PDS5A: variants seen among roughly 807,000 people sequenced by gnomAD.
The protein encoded by PDS5A is PDS5 cohesin associated factor A.
Under a neutral mutation model 167.1 loss-of-function variants are expected in PDS5A, and 42 were observed. The ratio of observed to expected loss-of-function variants is 0.25; its 90% CI spans 0.20 to 0.33. PDS5A has a LOEUF of 0.33. PDS5A is among the 10% of genes least tolerant of loss of function. The probability of loss-of-function intolerance (pLI) is 1.00; values close to 1 mark genes in which losing one functional copy is unlikely to be tolerated. For missense variants in PDS5A, 1,033 were observed against 1,605.9 expected, an observed-to-expected ratio of 0.64 and a Z score of 6.10; for synonymous variants, 553 against 554.6, an observed-to-expected ratio of 1.00 and a Z score of 0.04.
At chr4:39,901,180 TA>T (rs1434029623) in intron 13 of PDS5A, among the ~76,000 whole-genome samples, 1 of 152,042 alleles carries the variant, frequency 6.6e-6, no homozygotes, top group East Asian at 1.9e-4. Flanking sequence ...ATCAAAACCT[TA>T]AGCAAGGAAA....
At chr4:39,961,420 G>A (rs935823490) in intron 2 of PDS5A, among the ~76,000 whole-genome samples, 3 of 151,926 alleles carry the variant, frequency 2.0e-5, no homozygotes, top group African/African-American at 7.2e-5. Flanking sequence ...CACCATGCCC[G>A]CTAATTTTTT....
At chr4:39,825,575 A>T in intron 32 of PDS5A, 87 bp from the exon 33 acceptor site, 1 of 978,568 alleles carries the variant, frequency 1.0e-6, no homozygotes, top group Non-Finnish European at 1.5e-6. Flanking sequence ...CATAGTTGTT[A>T]TCTAAAATCT....
intron 18 of PDS5A, among the ~76,000 whole-genome samples, chr4:39,878,037 G>T (rs897664578): frequency 3.3e-5 from 5 of 151,998 alleles, no homozygotes; most frequent in Admixed American, 1.3e-4. Flanking sequence ...ATAACTTTTA[G>T]CAAGTTAGAT....
At chr4:39,901,611 G>T (rs1578702620) in intron 13 of PDS5A, among the ~76,000 whole-genome samples, 1 of 152,062 alleles carries the variant, frequency 6.6e-6, no homozygotes, top group African/African-American at 2.4e-5. Flanking sequence ...AACACTTGAA[G>T]AAGCCACAAT....
intron 21 of PDS5A, among the ~76,000 whole-genome samples, chr4:39,870,398 C>A (rs1719918406): frequency 6.6e-6 from 1 of 151,760 alleles, no homozygotes; most frequent in African/African-American, 2.4e-5. Flanking sequence ...GCAGCATGGG[C>A]AACATGGCGA....
chr4:39,891,252 C>T (rs570613754), intron 16 of PDS5A, among the ~76,000 whole-genome samples: 96 of 149,388 alleles, frequency 6.4e-4, no homozygotes, highest in Non-Finnish European at 8.5e-4. Context: ...AGGCTGGTCT[C>T]GAACTCCCGA....
Position 39,863,020 on chromosome 4 carries a change from A to C in PDS5A, c.2820T>G (p.Leu940=). ...QIFAQKLHKA[L]VKLLLPLEYM... is the part of the protein sequence containing the mutation. The stretch of plus-strand genomic sequence containing the variant: ...ACTCCAATGGGAGCAGTAACTTCAC[A>C]AGTGCCTTATGCAGCTTCTGAGCAA... Residue 940 remains leucine (L), a synonymous_variant, in exon 25 of 33, where the codon CTT becomes CTG. Coordinates refer to ENST00000303538, the MANE Select transcript of PDS5A (RefSeq NM_001100399.2). 2.5e-6 allele frequency: 4 copies of C among 1,613,826 alleles called. No homozygotes were observed. The highest frequency in any genetic ancestry group is 3.4e-6 in the Non-Finnish European group (4 of 1,179,774).
intron 21 of PDS5A, among the ~76,000 whole-genome samples, chr4:39,870,925 C>G (rs1452215833): frequency 6.6e-6 from 1 of 151,934 alleles, no homozygotes; most frequent in Non-Finnish European, 1.5e-5. Context: ...GTCCACCAAT[C>G]AACAAAAAAA....
intron 26 of PDS5A, among the ~76,000 whole-genome samples, chr4:39,857,850 A>G (rs1386616310): frequency 6.6e-6 from 1 of 152,132 alleles, no homozygotes. Flanking sequence ...AATTTTTAAA[A>G]ATAGAGACAG....
chr4:39,967,542 G>C (rs760058738), intron 2 of PDS5A, among the ~76,000 whole-genome samples: 9 of 151,874 alleles, frequency 5.9e-5, no homozygotes, highest in Non-Finnish European at 1.3e-4. Flanking sequence ...AGCTACTCAG[G>C]AGGCTGAGGC....
At chr4:39,893,452 C>T (rs931443006) in intron 16 of PDS5A, among the ~76,000 whole-genome samples, 6 of 152,022 alleles carry the variant, frequency 3.9e-5, no homozygotes, top group African/African-American at 4.8e-5. Flanking sequence ...TACTAACTCT[C>T]GTATCAAGTA....
chr4:39,866,765 A>T, intron 23 of PDS5A, 96 bp downstream of exon 23: 1 of 1,043,442 alleles, frequency 9.6e-7, no homozygotes, highest in Non-Finnish European at 1.4e-6. Flanking sequence ...ATCATGGTGT[A>T]ATTACACCAT....
intron 1 of PDS5A, 87 bp from the exon 2 acceptor site, chr4:39,976,704 G>A: frequency 3.1e-6 from 2 of 650,032 alleles, no homozygotes; most frequent in South Asian, 2.9e-5. Flanking sequence ...TCTGGAAAAG[G>A]CCCTGTCTCC....
chr4:39,925,626 G>A (rs1725390242), intron 5 of PDS5A, among the ~76,000 whole-genome samples: 1 of 152,164 alleles, frequency 6.6e-6, no homozygotes, highest in South Asian at 2.1e-4. Context: ...GAGCCAACCA[G>A]TAAATTGGTA....
chr4:39,878,079 A>G (rs532878189), intron 18 of PDS5A, among the ~76,000 whole-genome samples: 1 of 152,226 alleles, frequency 6.6e-6, no homozygotes, highest in Non-Finnish European at 1.5e-5. Flanking sequence ...TCCATAAAGT[A>G]GAAACAATTC....
At chr4:39,929,185 T>C (rs1011296082) in intron 2 of PDS5A, among the ~76,000 whole-genome samples, 5 of 152,136 alleles carry the variant, frequency 3.3e-5, no homozygotes, top group African/African-American at 4.8e-5. Flanking sequence ...GTCAACTTGA[T>C]TGGATTGAAG....
intron 9 of PDS5A, among the ~76,000 whole-genome samples, chr4:39,911,311 G>T (rs1463778718): frequency 6.6e-6 from 1 of 151,322 alleles, no homozygotes; most frequent in African/African-American, 2.4e-5. Flanking sequence ...CAGGAGAATT[G>T]CTTGAACCCG....
intron 2 of PDS5A, among the ~76,000 whole-genome samples, chr4:39,938,875 CAGA>C (rs1309026076): frequency 2.0e-5 from 3 of 151,824 alleles, no homozygotes; most frequent in Non-Finnish European, 4.4e-5. Context: ...GAGGCTGAGG[CAGA>C]AGAATCGCTT....
chr4:39,837,860 G>GT lies in PDS5A; in HGVS notation c.4005dup (p.Gln1336ThrfsTer32), dbSNP rs779890094. The GT allele has an allele frequency of 6.2e-7, 1 of 1,606,006 alleles. No homozygotes were observed. Among genetic ancestry groups the GT allele is most frequent in the South Asian group, 1.1e-5 (1 of 89,886 alleles). ...AGGAAGAATGGCGTACATTACCTTT[G>GT]TAAGTCAATTTGTCTTTCTGCTGGT... is the stretch of plus-strand genomic sequence containing the variant. On this transcript the variant is annotated frameshift_variant, in exon 32 of 33. Coordinates refer to ENST00000303538, the MANE Select transcript of PDS5A (RefSeq NM_001100399.2). LOFTEE classifies it high-confidence loss of function.
Sources: gnomAD v4.1 joint callset for allele counts (sites outside exome capture counted in the v4.1 genomes callset) on GRCh38, gnomAD v4.1.1 for gene constraint, MANE v1.5 for transcripts, NCBI Gene and HGNC (gene_info 2026-07-23, HGNC 2026-07-21) for gene names.